The following PMFBP1 variants were observed in gnomAD, a reference collection of about 807,000 sequenced individuals.
PMFBP1 encodes the protein polyamine modulated factor 1 binding protein 1, also known as polyamine-modulated factor 1-binding protein 1.
In PMFBP1, 131 loss-of-function variants were observed where a neutral mutation model predicts 137.8. The ratio of observed to expected loss-of-function variants is 0.95; its 90% CI spans 0.82 to 1.10. The LOEUF is 1.10. Among genes scored for constraint, PMFBP1 ranks in the 50% least tolerant of loss-of-function variants. PMFBP1 has a pLI of 0.00. For missense variants in PMFBP1, 1,199 were observed against 1,175.4 expected, an observed-to-expected ratio of 1.02 and a Z score of -0.29; for synonymous variants, 490 against 450.4, an observed-to-expected ratio of 1.09 and a Z score of -1.11.
chr16:72,190,215 T>G, the PMFBP1 span, among the ~76,000 whole-genome samples: 30 of 152,326 alleles, frequency 2.0e-4, no homozygotes, highest in East Asian at 5.4e-3. Context: ...GTTAGTTTTA[T>G]TCAGTCTCTG....
At chr16:72,168,066 G>A (rs1046996175) in intron 2 of PMFBP1, among the ~76,000 whole-genome samples, 13 of 152,124 alleles carry the variant, frequency 8.5e-5, no homozygotes, top group African/African-American at 3.1e-4. Context: ...ATTTAGCATC[G>A]GCTCAGAGTC....
At chr16:72,247,903 C>G in the PMFBP1 span, among the ~76,000 whole-genome samples, 1 of 152,168 alleles carries the variant, frequency 6.6e-6, no homozygotes, top group Admixed American at 6.5e-5. Flanking sequence ...TATGATGACA[C>G]ATATCAGAAA....
the PMFBP1 span, among the ~76,000 whole-genome samples, chr16:72,245,415 C>T: frequency 2.0e-5 from 3 of 152,132 alleles, no homozygotes; most frequent in Non-Finnish European, 2.9e-5. Flanking sequence ...TAAAGCTGGG[C>T]TTCAAACCCA....
upstream of PMFBP1, among the ~76,000 whole-genome samples, chr16:72,180,528 A>G (rs1847534348): frequency 1.3e-5 from 2 of 152,192 alleles, no homozygotes; most frequent in South Asian, 4.1e-4. Context: ...AAGGGTAAAA[A>G]TAACAGGAAC....
intron 10 of PMFBP1, among the ~76,000 whole-genome samples, chr16:72,132,373 G>A (rs966142335): frequency 3.9e-5 from 6 of 152,174 alleles, no homozygotes; most frequent in Admixed American, 6.5e-5. Flanking sequence ...GCAAAAAGGC[G>A]AAAGGGAATA....
chr16:72,165,770 C>T (rs1446254002), intron 2 of PMFBP1, among the ~76,000 whole-genome samples: 1 of 152,118 alleles, frequency 6.6e-6, no homozygotes, highest in Admixed American at 6.5e-5. Context: ...AGTGAAATCC[C>T]TGGGCTGGTG....
chr16:72,173,634 G>A (rs1418933951), upstream of PMFBP1, among the ~76,000 whole-genome samples: 1 of 152,224 alleles, frequency 6.6e-6, no homozygotes, highest in Non-Finnish European at 1.5e-5. Flanking sequence ...CAGTTTGGAA[G>A]GGCTTATGAT....
intron 12 of PMFBP1, 39 bp downstream of exon 12, chr16:72,130,174 A>G (rs1405130355): frequency 1.2e-6 from 2 of 1,605,366 alleles, no homozygotes; most frequent in East Asian, 4.5e-5. Flanking sequence ...TCTTAAGCAG[A>G]GCAAGCACTT....
chr16:72,133,541 T>A, intron 9 of PMFBP1, among the ~76,000 whole-genome samples: 1 of 152,094 alleles, frequency 6.6e-6, no homozygotes, highest in East Asian at 1.9e-4. Context: ...CAGGCTGGAG[T>A]GCAGTGGCAC....
the PMFBP1 span, among the ~76,000 whole-genome samples, chr16:72,228,010 A>G: frequency 1.3e-5 from 2 of 152,186 alleles, no homozygotes; most frequent in Non-Finnish European, 2.9e-5. Flanking sequence ...CCTACCTGAA[A>G]TATGTATCTG....
chr16:72,159,954 T>C (rs1379366703), intron 3 of PMFBP1, among the ~76,000 whole-genome samples: 1 of 152,218 alleles, frequency 6.6e-6, no homozygotes, highest in Admixed American at 6.5e-5. Context: ...TGGAGTGAGA[T>C]GTGATTCTGG....
rs758474427 is a variant in PMFBP1, at chr16:72,132,977, T to C, written c.1218A>G (p.Lys406=). 6.2e-6 allele frequency: 10 copies of C among 1,614,022 alleles called. No homozygotes were observed. Among genetic ancestry groups the C allele is most frequent in the Non-Finnish European group, 7.6e-6 (9 of 1,180,034 alleles). The change falls in exon 10 of 21, where the codon AAA becomes AAG. Residue 406 remains lysine, a synonymous_variant. Transcript: ENST00000237353. The stretch of plus-strand genomic sequence containing the variant: ...TCTCCAGCTCTTGCAGCATCTCATC[T>C]TTCTCTTGGAGGAACTGAAGACAGC... The part of the protein sequence containing the change: ...TLKKDKFLQE[K]DEMLQELEKK...
the PMFBP1 span, among the ~76,000 whole-genome samples, chr16:72,202,292 T>C: frequency 6.6e-6 from 1 of 152,204 alleles, no homozygotes; most frequent in Non-Finnish European, 1.5e-5. Context: ...CACCTATAAA[T>C]CATTCCAGCT....
rs768214030 is a variant in PMFBP1, at chr16:72,120,072, A to G, written c.2786T>C (p.Met929Thr). 5.0e-6 allele frequency: 8 copies of G among 1,614,080 alleles called. No individual in the cohort carries two copies. In the South Asian group the frequency reaches 8.8e-5, roughly 18 times the overall value. ...SGEKDHLHSVMVHLQQENKKL... is the reference protein window; with the variant it reads ...SGEKDHLHSVTVHLQQENKKL... ...CTTGTTTTCCTGCTGCAAGTGGACC[A>G]TTACACTGTGGAGGTGGCTGTGGGA... is the stretch of plus-strand genomic sequence containing the variant. Residue 929 changes from methionine to threonine, a missense_variant, in exon 20 of 21, where the codon ATG (methionine) becomes ACG (threonine). Met to Thr is a moderately conservative substitution (Grantham distance 81). Transcript: ENST00000237353.
chr16:72,165,368 C>G (rs1480444763), intron 2 of PMFBP1, among the ~76,000 whole-genome samples: 2 of 151,622 alleles, frequency 1.3e-5, no homozygotes, highest in Non-Finnish European at 2.9e-5. Flanking sequence ...ACCCACTAGA[C>G]CAAAAAATGT....
At chr16:72,213,883 C>T in the PMFBP1 span, among the ~76,000 whole-genome samples, 4 of 152,042 alleles carry the variant, frequency 2.6e-5, no homozygotes, top group African/African-American at 4.8e-5. Flanking sequence ...GGAAAGAAAA[C>T]GCAATCATAG....
At chr16:72,167,381 C>T (rs2043160982) in intron 2 of PMFBP1, among the ~76,000 whole-genome samples, 1 of 152,112 alleles carries the variant, frequency 6.6e-6, no homozygotes, top group African/African-American at 2.4e-5. Context: ...ACTCTCCCTC[C>T]TCCTCTCTTG....
the PMFBP1 span, among the ~76,000 whole-genome samples, chr16:72,195,339 T>C: frequency 1.3e-5 from 2 of 151,904 alleles, no homozygotes; most frequent in Admixed American, 1.3e-4. Flanking sequence ...TTTTCACAGA[T>C]GTCAGACCTA....
At chr16:72,117,677 T>G (rs1037732297), downstream of PMFBP1, among the ~76,000 whole-genome samples, 6 of 152,234 alleles carry the variant, frequency 3.9e-5, no homozygotes, top group African/African-American at 1.4e-4. Flanking sequence ...CTGAGGTAGT[T>G]TCCTTCTAAT....
Sources: gnomAD v4.1 joint callset for allele counts (sites outside exome capture counted in the v4.1 genomes callset) on GRCh38, gnomAD v4.1.1 for gene constraint, MANE v1.5 for transcripts, NCBI Gene and HGNC (gene_info 2026-07-23, HGNC 2026-07-21) for gene names.